The following WDR93 variants were observed in gnomAD, a reference collection of about 807,000 sequenced individuals.
The protein encoded by WDR93 is WD repeat domain 93.
WDR93 carries 73 observed loss-of-function variants against 82.9 expected under a neutral mutation model. That is an observed-to-expected ratio of 0.88 (90% confidence interval 0.73 to 1.07). The LOEUF (loss-of-function observed/expected upper bound fraction) is 1.07. WDR93 is among the 50% of genes least tolerant of loss of function. The pLI, the probability that WDR93 is intolerant of heterozygous loss-of-function variation, is 0.00. For synonymous variants in WDR93, 283 were observed against 300.1 expected (o/e 0.94, Z 0.59); for missense variants, 738 against 826.0 (o/e 0.89, Z 1.31).
chr15:89,733,698 G>A (rs1372590093), intron 13 of WDR93, among the ~76,000 whole-genome samples: 4 of 152,002 alleles, frequency 2.6e-5, no homozygotes, highest in Admixed American at 6.6e-5. Flanking sequence ...ATGCCGTCTC[G>A]GGACTCTCTA....
At chr15:89,710,600 T>G (rs1965931771) in intron 4 of WDR93, among the ~76,000 whole-genome samples, 1 of 151,718 alleles carries the variant, frequency 6.6e-6, no homozygotes, top group South Asian at 2.1e-4. Flanking sequence ...AAATAAACTC[T>G]CCTAAGAAAA....
chr15:89,699,127 C>T (rs1277366895), intron 1 of WDR93, among the ~76,000 whole-genome samples: 1 of 152,038 alleles, frequency 6.6e-6, no homozygotes, highest in African/African-American at 2.4e-5. Flanking sequence ...CTCCCAAAGT[C>T]CTGGGAGCTA....
intron 3 of WDR93, chr15:89,703,843 C>T (rs1013519893): frequency 3.3e-5 from 5 of 152,422 alleles, no homozygotes; most frequent in African/African-American, 1.2e-4. Flanking sequence ...TCTCTCTAGA[C>T]CTCAGGCTCT....
chr15:89,733,946 C>A (rs1322367554), intron 13 of WDR93, among the ~76,000 whole-genome samples: 1 of 152,156 alleles, frequency 6.6e-6, no homozygotes, highest in African/African-American at 2.4e-5. Context: ...ATCTCTCTCT[C>A]TTTTAAACAT....
intron 4 of WDR93, among the ~76,000 whole-genome samples, chr15:89,711,383 G>A (rs1287873751): frequency 1.3e-5 from 2 of 152,080 alleles, no homozygotes; most frequent in African/African-American, 4.8e-5. Flanking sequence ...ATTAGGCCGG[G>A]CATGGTGGCT....
chr15:89,706,281 T>A (rs1424684547), intron 4 of WDR93, among the ~76,000 whole-genome samples: 1 of 152,058 alleles, frequency 6.6e-6, no homozygotes, highest in Admixed American at 6.6e-5. Flanking sequence ...TTCAAATCAA[T>A]GAATTCCCGA....
intron 14 of WDR93, among the ~76,000 whole-genome samples, chr15:89,737,048 C>T (rs927217332): frequency 6.6e-6 from 1 of 152,192 alleles, no homozygotes; most frequent in Admixed American, 6.5e-5. Flanking sequence ...ACCTTGGCCT[C>T]CCAAAGTGCT....
chr15:89,708,326 T>C (rs1246589115), intron 4 of WDR93, among the ~76,000 whole-genome samples: 1 of 152,158 alleles, frequency 6.6e-6, no homozygotes, highest in East Asian at 1.9e-4. Flanking sequence ...CTATTAGAGT[T>C]CAGTCAGTAG....
rs764648230 is a variant in WDR93, at chr15:89,737,775, C to G, written c.1765+46C>G. On this transcript the variant is annotated intron_variant, in intron 15 of 16. Coordinates refer to ENST00000268130, the MANE Select transcript of WDR93 (RefSeq NM_020212.2). ...TGATGCCCACTGACCATTTCCCTGA[C>G]TTAGTTCTCTCACAAACAGAGAGAG... 9 of 1,610,226 alleles carry G rather than the reference C, an allele frequency of 5.6e-6. No homozygotes were observed. The South Asian group carries it at 9.9e-5, about 18-fold the overall frequency.
At chr15:89,732,640 C>CACAG (rs1163858536) in intron 12 of WDR93, among the ~76,000 whole-genome samples, 1 of 151,576 alleles carries the variant, frequency 6.6e-6, no homozygotes, top group Non-Finnish European at 1.5e-5. Flanking sequence ...CACACACACA[C>CACAG]ACCGCCTTTT....
intron 1 of WDR93, among the ~76,000 whole-genome samples, chr15:89,700,817 G>A (rs1965423405): frequency 6.6e-6 from 1 of 151,922 alleles, no homozygotes; most frequent in Non-Finnish European, 1.5e-5. Flanking sequence ...TTGGCCTCCT[G>A]AAGTGCTGGG....
At chr15:89,695,253 A>T (rs1477294714) in intron 1 of WDR93, among the ~76,000 whole-genome samples, 2 of 152,196 alleles carry the variant, frequency 1.3e-5, no homozygotes, top group East Asian at 3.8e-4. Context: ...GAGTCTTCCA[A>T]CTCATAAATA....
At chr15:89,704,787 T>A (rs4309373) in intron 3 of WDR93, 65,123 of 152,052 alleles carry the variant, frequency 0.43, 14,369 homozygotes, top group African/African-American at 0.47. Context: ...ATTATACTAG[T>A]TGGTTTCAAG....
In WDR93 at chr15:89,743,416, G is replaced by A; in HGVS notation, c.*25G>A. ...AGGCTGCCACCGCCCTGGGATCTCT[G>A]AAAAGGAGGTTTCAGCCACGAGGCA... is the stretch of plus-strand genomic sequence containing the variant. On this transcript the variant is annotated 3_prime_UTR_variant, in exon 17 of 17. Transcript: ENST00000268130. The A allele has an allele frequency of 6.2e-7, 1 of 1,612,592 alleles. No individual in the cohort carries two copies. The highest frequency in any genetic ancestry group is 8.5e-7 in the Non-Finnish European group (1 of 1,178,826).
chr15:89,729,895 C>G (rs1292072205), intron 11 of WDR93, 126 bp downstream of exon 11: 1 of 776,588 alleles, frequency 1.3e-6, no homozygotes, highest in Admixed American at 2.5e-5. Flanking sequence ...TCTAGGCAGG[C>G]AGTAGGGGGT....
Position 89,690,823 on chromosome 15 carries a change from G to GTGGT in WDR93, c.-73_-70dup, listed in dbSNP as rs1160484426. On this transcript the variant is annotated 5_prime_UTR_variant, in exon 1 of 17. Transcript: ENST00000268130. ...GGACTTCCGGTTCAAGCCGGAAGTT[G>GTGGT]TGGTTACCAAGGCGACGCAACGCCG... 2 of 562,376 alleles carry GTGGT rather than the reference G, an allele frequency of 3.6e-6. No individual in the cohort carries two copies. The highest frequency in any genetic ancestry group is 6.3e-6 in the Non-Finnish European group (2 of 315,976). The allele number at this position is 562,376 out of a possible 1,614,324, so 34.8% of individuals were successfully genotyped here.
intron 10 of WDR93, 44 bp from the exon 11 acceptor site, chr15:89,729,639 C>G: frequency 6.7e-7 from 1 of 1,500,662 alleles, no homozygotes; most frequent in South Asian, 1.1e-5. Flanking sequence ...AGATTTCCCC[C>G]TGTGTAACAC....
chr15:89,713,608 G>A (rs1471315665), intron 5 of WDR93, among the ~76,000 whole-genome samples: 1 of 151,942 alleles, frequency 6.6e-6, no homozygotes, highest in Non-Finnish European at 1.5e-5. Context: ...AAGTAGCTGG[G>A]ATTACAGGTA....
rs547825554 is a variant in WDR93 at position 89,695,423 on chromosome 15, T to C, written c.-41+4566T>C. 5.5e-3 allele frequency among the ~76,000 whole-genome samples: 838 copies of C among 152,298 alleles called. 8 individuals carry two copies. Among genetic ancestry groups the C allele is most frequent in the African/African-American group, 0.019 (788 of 41,570 alleles). On this transcript the variant is annotated intron_variant, in intron 1 of 16. Transcript: ENST00000268130. ...ATCATAGCTCACTGCAACCTTGAACTCCTGGACTCAAAGCAATCCTCTCAC... is the reference window on the plus strand; with the variant it reads ...ATCATAGCTCACTGCAACCTTGAACCCCTGGACTCAAAGCAATCCTCTCAC...
Sources: allele counts gnomAD v4.1 joint callset (sites outside exome capture counted in the v4.1 genomes callset), GRCh38; gene constraint gnomAD v4.1.1; transcripts MANE v1.5; gene names NCBI Gene and HGNC (gene_info 2026-07-23, HGNC 2026-07-21).